The following ARSG variants were observed in gnomAD, a reference collection of about 807,000 sequenced individuals.
The protein encoded by ARSG is ASG.
A neutral mutation model predicts 50.5 loss-of-function variants in ARSG; 37 were observed. The ratio of observed to expected loss-of-function variants is 0.73; its 90% CI spans 0.56 to 0.96. The LOEUF (loss-of-function observed/expected upper bound fraction) is 0.96. Ranked by LOEUF, ARSG falls within the 50% of genes least tolerant of loss-of-function variation. The pLI is 0.00. For synonymous variants in ARSG, 225 were observed against 254.6 expected (o/e 0.88, Z 1.11); for missense variants, 629 against 675.3 (o/e 0.93, Z 0.76).
At chr17:68,291,341 T>C (rs1357095004), upstream of ARSG, 1 of 136,346 alleles carries the variant, frequency 7.3e-6, no homozygotes, top group Non-Finnish European at 1.6e-5. Context: ...GGGCCGTGCG[T>C]GCTGCCGCCC....
In ARSG at chr17:68,417,599, A is replaced by C. The variant is rs114800569; in HGVS notation, c.1304-2590A>C. ...CCCTACTCCTGGCACTGGTTCTTGC[A>C]GAGGTTTCTGCTTGTGGGTTTCTGC... is the stretch of plus-strand genomic sequence containing the variant. On this transcript the variant is annotated intron_variant, in intron 11 of 11. Transcript: ENST00000621439. Among the ~76,000 whole-genome samples, 972 of 152,040 alleles carry C rather than the reference A, an allele frequency of 6.4e-3. 12 individuals carry two copies. Among genetic ancestry groups the C allele is most frequent in the African/African-American group, 0.023 (935 of 41,466 alleles).
intron 1 of ARSG, among the ~76,000 whole-genome samples, chr17:68,261,013 C>A (rs2075064091): frequency 6.6e-6 from 1 of 152,198 alleles, no homozygotes; most frequent in Admixed American, 6.5e-5. Context: ...AACTGACCCA[C>A]CCATATAGTA....
intron 6 of ARSG, among the ~76,000 whole-genome samples, chr17:68,358,816 A>G (rs1432214773): frequency 6.6e-6 from 1 of 152,006 alleles, no homozygotes; most frequent in African/African-American, 2.4e-5. Context: ...GCAGTGAGCC[A>G]TAATGGTGCC....
intron 10 of ARSG, 22 bp from the exon 11 acceptor site, chr17:68,401,338 A>G (rs775586493): frequency 6.8e-6 from 11 of 1,610,136 alleles, no homozygotes; most frequent in Non-Finnish European, 8.5e-6. Flanking sequence ...TTCTATTAGT[A>G]AGCTCTGCCA....
the ARSG span, among the ~76,000 whole-genome samples, chr17:68,443,142 G>A: frequency 1.3e-5 from 2 of 151,786 alleles, no homozygotes; most frequent in African/African-American, 2.4e-5. Context: ...ACAGAGTCTC[G>A]ATCTGTTGCC....
intron 9 of ARSG, among the ~76,000 whole-genome samples, chr17:68,386,520 T>C (rs944762016): frequency 1.3e-5 from 2 of 152,058 alleles, no homozygotes; most frequent in African/African-American, 2.4e-5. Flanking sequence ...TGGCAGCCTG[T>C]GGGGCCCCCA....
At chr17:68,449,454 G>GAT in the ARSG span, among the ~76,000 whole-genome samples, 1 of 152,186 alleles carries the variant, frequency 6.6e-6, no homozygotes, top group African/African-American at 2.4e-5. Flanking sequence ...GGGAAACACT[G>GAT]TAATATGATT....
the ARSG span, among the ~76,000 whole-genome samples, chr17:68,447,175 G>C: frequency 6.6e-6 from 1 of 152,104 alleles, no homozygotes; most frequent in East Asian, 1.9e-4. Context: ...TGGCCTCAGA[G>C]GCTTCGAGCC....
At chr17:68,408,519 T>C (rs1017765156) in intron 11 of ARSG, among the ~76,000 whole-genome samples, 1 of 152,036 alleles carries the variant, frequency 6.6e-6, no homozygotes, top group Admixed American at 6.5e-5. Flanking sequence ...TAATCCAGTC[T>C]ATCATTGTTG....
At chr17:68,333,931 A>C (rs2077900163) in intron 2 of ARSG, among the ~76,000 whole-genome samples, 2 of 152,124 alleles carry the variant, frequency 1.3e-5, no homozygotes, top group East Asian at 3.9e-4. Context: ...GGACGCTTTG[A>C]AAGAAACCTG....
In ARSG at chr17:68,386,817, C is replaced by T. The variant is rs116786198; in HGVS notation, c.1091+1645C>T. Among the ~76,000 whole-genome samples, 1,178 of 152,152 alleles carry T rather than the reference C, an allele frequency of 7.7e-3. 21 individuals carry two copies. The highest frequency in any genetic ancestry group is 0.027 in the African/African-American group (1,116 of 41,508). On this transcript the variant is annotated intron_variant, in intron 9 of 11. Transcript: ENST00000621439. ...TTCTCATCAGAGAATGGTGTTTGCA[C>T]CTACAGTCAACCATAATAAAACTGC... is the stretch of plus-strand genomic sequence containing the variant.
chr17:68,348,886 C>T (rs552431704), intron 4 of ARSG, among the ~76,000 whole-genome samples: 1 of 152,342 alleles, frequency 6.6e-6, no homozygotes, highest in East Asian at 1.9e-4. Flanking sequence ...AGGGCTCCTG[C>T]AAACACAACG....
rs961376191 is a variant in ARSG, at chr17:68,399,432, C to T, written c.1213-1928C>T. Among the ~76,000 whole-genome samples, 2 of 152,146 alleles carry T rather than the reference C, an allele frequency of 1.3e-5. No individual in the cohort carries two copies. Among genetic ancestry groups the T allele is most frequent in the African/African-American group, 4.8e-5 (2 of 41,438 alleles). On this transcript the variant is annotated intron_variant, in intron 10 of 11. Coordinates refer to ENST00000621439, the MANE Select transcript of ARSG (RefSeq NM_001267727.2). This position sits in a 1 kb window ranked among gnomAD's most constrained non-coding sequence, Gnocchi z 4.6. Reference sequence around the variant, plus strand: ...ACAAGATAAAATAGAGCAAGAAAGGCCACCAGGAAGGCAAAACAAGTTTGC... The same window carrying T: ...ACAAGATAAAATAGAGCAAGAAAGGTCACCAGGAAGGCAAAACAAGTTTGC...
chr17:68,322,067 A>G (rs1368470117), intron 2 of ARSG, among the ~76,000 whole-genome samples: 5 of 152,250 alleles, frequency 3.3e-5, no homozygotes, highest in African/African-American at 4.8e-5. Context: ...ATTGTTTCTG[A>G]GAGTTAAGCT....
chr17:68,261,046 AC>A (rs1305712819), intron 1 of ARSG, among the ~76,000 whole-genome samples: 5 of 152,062 alleles, frequency 3.3e-5, no homozygotes, highest in Non-Finnish European at 7.4e-5. Flanking sequence ...GCACTCTGAG[AC>A]CCATCCATCC....
chr17:68,438,336 C>A, the ARSG span, among the ~76,000 whole-genome samples: 1 of 152,188 alleles, frequency 6.6e-6, no homozygotes, highest in African/African-American at 2.4e-5. Context: ...CTCTGGAAAC[C>A]CCAATTCCTC....
chr17:68,382,518 G>A (rs1175883105), intron 8 of ARSG, among the ~76,000 whole-genome samples: 1 of 152,216 alleles, frequency 6.6e-6, no homozygotes, highest in African/African-American at 2.4e-5. Context: ...AGGTATTACT[G>A]AAGAATATTG....
At chr17:68,427,156 A>G (rs1160172279), downstream of ARSG, 1 of 1,614,072 alleles carries the variant, frequency 6.2e-7, no homozygotes, top group East Asian at 2.2e-5. Flanking sequence ...GAGGCTGAAG[A>G]TGCACTTGGT....
At chr17:68,300,946 G>C (rs1273928571) in intron 1 of ARSG, among the ~76,000 whole-genome samples, 1 of 151,660 alleles carries the variant, frequency 6.6e-6, no homozygotes, top group Non-Finnish European at 1.5e-5. Flanking sequence ...GTGAAACCCC[G>C]TCTCTACTAA....
Sources: gnomAD v4.1 joint callset for allele counts (sites outside exome capture counted in the v4.1 genomes callset) on GRCh38, gnomAD v4.1.1 for gene constraint, Gnocchi (gnomAD v3.1) non-coding constraint, MANE v1.5 for transcripts, NCBI Gene and HGNC (gene_info 2026-07-23, HGNC 2026-07-21) for gene names.